Variants in BARD1 observed in about 807,000 individuals in gnomAD.
BARD1 encodes BRCA1-associated RING domain protein 1.
A neutral mutation model predicts 77.0 loss-of-function variants in BARD1; 73 were observed. The observed-to-expected ratio is 0.95, with a 90% CI of 0.79 to 1.15. The LOEUF (loss-of-function observed/expected upper bound fraction) is 1.15, where lower values mean the gene tolerates loss of function less well. Among genes scored for constraint, BARD1 ranks in the 50% most tolerant of loss-of-function variants. The pLI is 0.00. For synonymous variants in BARD1, 384 were observed against 338.0 expected, an observed-to-expected ratio of 1.14 and a Z score of -1.49; for missense variants, 993 against 938.8, an observed-to-expected ratio of 1.06 and a Z score of -0.75.
chr2:214,801,849 C>CCG (rs375874068), intron 1 of BARD1, among the ~76,000 whole-genome samples: 1 of 113,752 alleles, frequency 8.8e-6, no homozygotes, highest in Non-Finnish European at 1.8e-5. Context: ...AAATATTTGG[C>CCG]GGGGGGGGGG....
intron 1 of BARD1, among the ~76,000 whole-genome samples, chr2:214,806,449 C>A (rs1288944751): frequency 1.3e-5 from 2 of 152,144 alleles, no homozygotes; most frequent in East Asian, 1.9e-4. Context: ...GCTACCAGGG[C>A]AAAGGCAGAG....
At chr2:214,775,625 A>G (rs1694703852) in intron 4 of BARD1, among the ~76,000 whole-genome samples, 1 of 152,244 alleles carries the variant, frequency 6.6e-6, no homozygotes, top group Admixed American at 6.5e-5. Flanking sequence ...AGACTTGCTC[A>G]ATGCAGGATT....
chr2:214,759,329 C>T (rs1693841383), intron 6 of BARD1, among the ~76,000 whole-genome samples: 3 of 152,114 alleles, frequency 2.0e-5, no homozygotes, highest in African/African-American at 7.2e-5. Context: ...TTATTCGCCA[C>T]ACACTCAAAA....
At chr2:214,770,505 C>T (rs73989338) in intron 4 of BARD1, among the ~76,000 whole-genome samples, 20,174 of 152,042 alleles carry the variant, frequency 0.13, 1,414 homozygotes, top group African/African-American at 0.16. Context: ...GAGCAAGATC[C>T]GGGGAATAAG....
chr2:214,751,225 T>C (rs1433743003), intron 7 of BARD1, among the ~76,000 whole-genome samples: 1 of 141,678 alleles, frequency 7.1e-6, no homozygotes, highest in African/African-American at 2.6e-5. Context: ...TGGCCTGATC[T>C]CGGCTCACTG....
At chr2:214,780,500 A>G in intron 4 of BARD1, 60 bp downstream of exon 4, 1 of 1,470,954 alleles carries the variant, frequency 6.8e-7, no homozygotes, top group East Asian at 2.3e-5. Context: ...CAAAAACTGC[A>G]AAGAAATTGC....
intron 6 of BARD1, among the ~76,000 whole-genome samples, chr2:214,755,098 T>C (rs988106739): frequency 1.3e-5 from 2 of 152,168 alleles, no homozygotes; most frequent in Admixed American, 1.3e-4. Context: ...CAATTTAAAA[T>C]ACACAGAGGT....
At position 214,807,222 on chromosome 2, in the gene BARD1, A is replaced by C. The variant is rs1433894649; in HGVS notation, c.158+2190T>G. On this transcript the variant is annotated intron_variant, in intron 1 of 10. Coordinates refer to ENST00000260947, the MANE Select transcript of BARD1 (RefSeq NM_000465.4). ...ATCTATAGAGGTTCGGATTAAAAAA[A>C]AAAAAATCAATAGCATTCAATAGCA... is the stretch of plus-strand genomic sequence containing the variant. 2.0e-5 allele frequency among the ~76,000 whole-genome samples: 3 copies of C among 152,304 alleles called. No individual in the cohort carries two copies. The East Asian group carries it at 5.8e-4, about 29-fold the overall frequency.
chr2:214,759,812 C>A (rs1693866111), intron 6 of BARD1, among the ~76,000 whole-genome samples: 1 of 152,096 alleles, frequency 6.6e-6, no homozygotes. Flanking sequence ...TATAAAAGCT[C>A]ATTTAATTTA....
chr2:214,779,477 T>C (rs1343095768), intron 4 of BARD1, among the ~76,000 whole-genome samples: 2 of 152,200 alleles, frequency 1.3e-5, no homozygotes, highest in Admixed American at 1.3e-4. Context: ...AAACATAGAA[T>C]GCACAGATAC....
chr2:214,772,499 G>A (rs1694550453), intron 4 of BARD1, among the ~76,000 whole-genome samples: 1 of 152,022 alleles, frequency 6.6e-6, no homozygotes, highest in Non-Finnish European at 1.5e-5. Context: ...ACACAATTGT[G>A]AAATGGAAGA....
chr2:214,742,243 T>A (rs1426829654), intron 9 of BARD1, among the ~76,000 whole-genome samples: 1 of 152,214 alleles, frequency 6.6e-6, no homozygotes, highest in African/African-American at 2.4e-5. Context: ...AAAATCAAAC[T>A]GAGCCAGGTG....
chr2:214,748,718 C>G (rs1446365), intron 7 of BARD1, among the ~76,000 whole-genome samples: 57,146 of 151,586 alleles, frequency 0.38, 11,195 homozygotes, highest in East Asian at 0.56. Context: ...AATTCAAACC[C>G]CTTCCTTTAG....
chr2:214,796,633 G>C (rs1488440216), intron 2 of BARD1, among the ~76,000 whole-genome samples: 3 of 152,168 alleles, frequency 2.0e-5, no homozygotes, highest in Non-Finnish European at 2.9e-5. Flanking sequence ...GAACTAGAGA[G>C]ACAATACATT....
Position 214,728,281 on chromosome 2 carries a change from T to TA in BARD1, c.*394dup, listed in dbSNP as rs754881729. The TA allele has an allele frequency of 0.13, 19,365 of 148,578 alleles. 794 individuals are homozygous for TA. The highest frequency in any genetic ancestry group is 0.18 in the African/African-American group (4,873 of 27,754). 9.2% of individuals were successfully genotyped at this position (148,578 alleles called of 1,614,324 possible). On this transcript the variant is annotated 3_prime_UTR_variant, in exon 11 of 11. Transcript: ENST00000260947. ...AATTGTTTGATAATATTCTGTTTACTAAAAAAAAAAAAAAAAAAAAGGCAA... is the reference window on the plus strand; with the variant it reads ...AATTGTTTGATAATATTCTGTTTACTAAAAAAAAAAAAAAAAAAAAAGGCAA...
At position 214,745,153 on chromosome 2, in the gene BARD1, T is replaced by C. The variant is rs786202512; in HGVS notation, c.1817A>G (p.His606Arg). ...KYTEFDSTVT[H>R]VVVPGDAVQS... ...AACTGCATCACCAGGAACAACAACA[T>C]GAGTTACTAAAATACAAAAAAAGCA... Residue 606 changes from histidine (H) to arginine (R), a missense_variant, in exon 9 of 11, where the codon CAT becomes CGT. Transcript: ENST00000260947. The C allele has an allele frequency of 1.9e-6, 3 of 1,613,478 alleles. No individual in the cohort carries two copies. The highest frequency in any genetic ancestry group is 2.5e-6 in the Non-Finnish European group (3 of 1,179,480).
Position 214,792,336 on chromosome 2 carries a change from T to G in BARD1, c.325A>C (p.Ser109Arg), listed in dbSNP as rs764746353. The G allele has an allele frequency of 3.1e-6, 5 of 1,613,338 alleles. No individual in the cohort carries two copies. Among genetic ancestry groups the G allele is most frequent in the Non-Finnish European group, 4.2e-6 (5 of 1,179,754 alleles). Residue 109 changes from serine to arginine, a missense_variant, in exon 3 of 11, where the codon AGT becomes CGT. Ser to Arg is a moderately radical substitution (Grantham distance 110, BLOSUM62 -1). Coordinates refer to ENST00000260947, the MANE Select transcript of BARD1 (RefSeq NM_000465.4). ...RQLDSMIQLC[S>R]KLRNLLHDNE... ...TCATGTAGCAAATTTCGAAGCTTACTACAAAGTTGAATCATGCTGTCCAGT... is the reference window on the plus strand; with the variant it reads ...TCATGTAGCAAATTTCGAAGCTTACGACAAAGTTGAATCATGCTGTCCAGT...
intron 6 of BARD1, among the ~76,000 whole-genome samples, chr2:214,761,533 T>C (rs1273561735): frequency 3.9e-5 from 6 of 151,982 alleles, no homozygotes; most frequent in Non-Finnish European, 8.8e-5. Flanking sequence ...ATTAACAACA[T>C]CAATAGTCAA....
At chr2:214,806,875 GGAAAAAA>G (rs1389918057) in intron 1 of BARD1, among the ~76,000 whole-genome samples, 1 of 105,988 alleles carries the variant, frequency 9.4e-6, no homozygotes, top group Non-Finnish European at 2.0e-5. Context: ...CTTTGCCTAG[GGAAAAAA>G]AAAAAAAAAA....
Sources: gnomAD v4.1 joint callset for allele counts (sites outside exome capture counted in the v4.1 genomes callset) on GRCh38, gnomAD v4.1.1 for gene constraint, MANE v1.5 for transcripts, NCBI Gene and HGNC (gene_info 2026-07-23, HGNC 2026-07-21) for gene names.